FAM135B: variants seen among roughly 807,000 people sequenced by gnomAD.
The protein encoded by FAM135B is protein FAM135B.
FAM135B carries 43 observed loss-of-function variants against 127.7 expected under a neutral mutation model. The observed-to-expected ratio is 0.34, with a 90% CI of 0.26 to 0.43. The LOEUF (loss-of-function observed/expected upper bound fraction) is 0.43. Ranked by LOEUF, FAM135B falls within the 20% of genes least tolerant of loss-of-function variation. The pLI, the probability that FAM135B is intolerant of heterozygous loss-of-function variation, is 1.00. For synonymous variants in FAM135B, 670 were observed against 665.1 expected (o/e 1.01, Z -0.11); for missense variants, 1,558 against 1,725.6 (o/e 0.90, Z 1.72).
intron 1 of FAM135B, among the ~76,000 whole-genome samples, chr8:138,421,576 A>G (rs1834512698): frequency 6.6e-6 from 1 of 152,182 alleles, no homozygotes; most frequent in African/African-American, 2.4e-5. Context: ...AATACAGCTA[A>G]CCAGGGATGT....
At chr8:138,355,888 G>A (rs984533549) in intron 2 of FAM135B, among the ~76,000 whole-genome samples, 2 of 152,172 alleles carry the variant, frequency 1.3e-5, no homozygotes, top group African/African-American at 4.8e-5. Context: ...ACTGTATGTT[G>A]AAACCTAATG....
chr8:138,184,012 T>A (rs1586712117), intron 9 of FAM135B, among the ~76,000 whole-genome samples: 2 of 152,292 alleles, frequency 1.3e-5, no homozygotes, highest in Middle Eastern at 6.8e-3. Flanking sequence ...AACTGAGCCA[T>A]GGCTGGGATG....
intron 1 of FAM135B, among the ~76,000 whole-genome samples, chr8:138,427,008 A>C (rs771249023): frequency 3.9e-5 from 6 of 152,078 alleles, no homozygotes; most frequent in Non-Finnish European, 8.8e-5. Flanking sequence ...ATTTGGATTA[A>C]TTGCATAATA....
intron 1 of FAM135B, among the ~76,000 whole-genome samples, chr8:138,430,368 A>G (rs2131502669): frequency 6.6e-6 from 1 of 152,350 alleles, no homozygotes; most frequent in Middle Eastern, 3.4e-3. Context: ...ATACATGCAT[A>G]AAATCACCCT....
intron 1 of FAM135B, among the ~76,000 whole-genome samples, chr8:138,443,573 T>C (rs1175512077): frequency 1.3e-5 from 2 of 152,196 alleles, no homozygotes; most frequent in Non-Finnish European, 2.9e-5. Context: ...ATTTTCAAAA[T>C]TGTCATTCAT....
intron 1 of FAM135B, among the ~76,000 whole-genome samples, chr8:138,418,726 C>A (rs1318126068): frequency 3.3e-5 from 5 of 152,038 alleles, no homozygotes; most frequent in African/African-American, 4.8e-5. Context: ...TAAATAAAAT[C>A]CTTTTCAGAC....
intron 1 of FAM135B, among the ~76,000 whole-genome samples, chr8:138,384,831 C>A (rs1035084544): frequency 6.6e-6 from 1 of 152,134 alleles, no homozygotes; most frequent in Non-Finnish European, 1.5e-5. Context: ...AGCCCCCACA[C>A]TGCATCTCTG....
In FAM135B at chr8:138,367,738, C is replaced by T. The variant is rs373508640; in HGVS notation, c.77+169G>A. ...TCAATATGTGGTTTATTTTCAGATG[C>T]AATAAAGGTTTGGATTTTTGACTTG... On this transcript the variant is annotated intron_variant, in intron 2 of 19. Transcript: ENST00000395297. 7.9e-5 allele frequency among the ~76,000 whole-genome samples: 12 copies of T among 152,030 alleles called. 1 individual carries two copies. The East Asian group carries it at 1.2e-3, about 15-fold the overall frequency.
At chr8:138,451,453 G>A (rs751042036) in intron 1 of FAM135B, among the ~76,000 whole-genome samples, 5 of 152,198 alleles carry the variant, frequency 3.3e-5, no homozygotes, top group Non-Finnish European at 7.3e-5. Flanking sequence ...CTTGAAGGAT[G>A]AAAAGGAAAC....
intron 1 of FAM135B, chr8:138,439,277 T>G (rs1835630868): frequency 6.6e-6 from 1 of 152,202 alleles, no homozygotes; most frequent in African/African-American, 2.4e-5. Context: ...AATGGCCCTG[T>G]GTGGTCAATA....
chr8:138,391,827 G>T (rs1659285074), intron 1 of FAM135B, among the ~76,000 whole-genome samples: 1 of 152,194 alleles, frequency 6.6e-6, no homozygotes, highest in Non-Finnish European at 1.5e-5. Context: ...GGCACAGACA[G>T]GTTATGCAAC....
intron 1 of FAM135B, chr8:138,437,544 C>A (rs1835520638): frequency 6.6e-6 from 1 of 152,150 alleles, no homozygotes; most frequent in South Asian, 2.1e-4. Flanking sequence ...GAGGCCTCCC[C>A]AGCCATGCTG....
At position 138,197,075 on chromosome 8, in the gene FAM135B, ATGTGTGTGTG is replaced by A. The variant is rs6150843; in HGVS notation, c.823+431_823+440del. Reference sequence around the variant, plus strand: ...CCAGCTCAAGCATATATGTATGCATATGTGTGTGTGTGTGTGTGTGTGTGTGTGTGTGTGT... The same window carrying A: ...CCAGCTCAAGCATATATGTATGCATATGTGTGTGTGTGTGTGTGTGTGTGT... On this transcript the variant is annotated intron_variant, in intron 8 of 19. Transcript: ENST00000395297. Among the ~76,000 whole-genome samples, 1,281 of 132,450 alleles carry A rather than the reference ATGTGTGTGTG, an allele frequency of 9.7e-3. 19 individuals carry two copies. Among genetic ancestry groups the A allele is most frequent in the African/African-American group, 0.032 (1,174 of 36,940 alleles). The allele number at this position is 132,450 out of a possible 152,430, so 86.9% of individuals were successfully genotyped here. A position where few individuals can be genotyped will look rare whatever the true frequency, so the allele number is the denominator to read the frequency against.
At chr8:138,317,418 G>A (rs921203708) in intron 2 of FAM135B, among the ~76,000 whole-genome samples, 1 of 152,150 alleles carries the variant, frequency 6.6e-6, no homozygotes, top group African/African-American at 2.4e-5. Context: ...GATCCACGTG[G>A]TGATGAAAAT....
At chr8:138,370,023 T>C (rs1340686178) in intron 1 of FAM135B, among the ~76,000 whole-genome samples, 1 of 152,050 alleles carries the variant, frequency 6.6e-6, no homozygotes, top group Non-Finnish European at 1.5e-5. Flanking sequence ...TACACACTGA[T>C]GGGGGTTCCA....
At chr8:138,139,139 A>G in intron 17 of FAM135B, 43 bp from the exon 18 acceptor site, 1 of 1,258,522 alleles carries the variant, frequency 7.9e-7, no homozygotes, top group Non-Finnish European at 1.2e-6. Flanking sequence ...ACACAAAACA[A>G]AACAAAAACT....
At chr8:138,158,655 A>G (rs934898606) in intron 12 of FAM135B, among the ~76,000 whole-genome samples, 3 of 152,022 alleles carry the variant, frequency 2.0e-5, no homozygotes, top group Non-Finnish European at 4.4e-5. Flanking sequence ...ACTTCTCAAA[A>G]GAAGACATTT....
At chr8:138,309,877 T>G (rs918066323) in intron 3 of FAM135B, among the ~76,000 whole-genome samples, 3 of 145,944 alleles carry the variant, frequency 2.1e-5, no homozygotes, top group African/African-American at 7.6e-5. Context: ...TTTTTTTTTT[T>G]TTTTTGGAGC....
At chr8:138,363,640 A>G (rs1830572084) in intron 2 of FAM135B, among the ~76,000 whole-genome samples, 2 of 152,214 alleles carry the variant, frequency 1.3e-5, no homozygotes, top group Non-Finnish European at 2.9e-5. Flanking sequence ...AGCCAACATC[A>G]TTACAAGGCA....
Sources: allele counts gnomAD v4.1 joint callset (sites outside exome capture counted in the v4.1 genomes callset), GRCh38; gene constraint gnomAD v4.1.1; transcripts MANE v1.5; gene names NCBI Gene and HGNC (gene_info 2026-07-23, HGNC 2026-07-21).